Variants in AKAP13 observed in about 807,000 individuals in gnomAD.
The protein encoded by AKAP13 is A-kinase anchor protein 13.
Under a neutral mutation model 264.5 loss-of-function variants are expected in AKAP13, and 80 were observed. The observed-to-expected ratio is 0.30, with a 90% CI of 0.25 to 0.36. AKAP13 has a LOEUF of 0.36. AKAP13 is among the 10% of genes least tolerant of loss of function. AKAP13 has a pLI of 1.00. For synonymous variants in AKAP13, 1,380 were observed against 1,250.2 expected (o/e 1.10, Z -2.19); for missense variants, 3,712 against 3,435.2 (o/e 1.08, Z -2.01).
intron 17 of AKAP13, among the ~76,000 whole-genome samples, chr15:85,698,919 G>A (rs2151657239): frequency 7.1e-6 from 1 of 141,610 alleles, no homozygotes; most frequent in African/African-American, 2.7e-5. Flanking sequence ...ACTCCAGCCT[G>A]GGAAACAGAG....
chr15:85,562,157 A>G (rs547801891), intron 5 of AKAP13, among the ~76,000 whole-genome samples: 18 of 152,352 alleles, frequency 1.2e-4, no homozygotes, highest in African/African-American at 3.8e-4. Context: ...GCACAGTTCA[A>G]TATCTGATAC....
chr15:85,741,573 G>C, intron 35 of AKAP13, 78 bp downstream of exon 35: 1 of 1,472,646 alleles, frequency 6.8e-7, no homozygotes, highest in Non-Finnish European at 9.0e-7. Flanking sequence ...AGGTAAGAAA[G>C]TGAGCAGAAA....
rs527927712 is a variant in AKAP13, at chr15:85,732,745, A to G, written c.7282+2038A>G. ...ACTCATAACTGTTAGTAATACTAAT[A>G]GTATTACTAATTACTATTGCTAATA... On this transcript the variant is annotated intron_variant, in intron 30 of 36. Transcript: ENST00000394518. 3.0e-3 allele frequency among the ~76,000 whole-genome samples: 445 copies of G among 150,140 alleles called. 1 individual carries two copies. The highest frequency in any genetic ancestry group is 5.1e-3 in the Non-Finnish European group (344 of 67,606).
intron 16 of AKAP13, among the ~76,000 whole-genome samples, chr15:85,686,268 G>GA (rs1205559245): frequency 1.3e-5 from 2 of 151,934 alleles, no homozygotes; most frequent in Non-Finnish European, 2.9e-5. Context: ...AGAAGTAAGG[G>GA]AATAAACAAA....
chr15:85,521,586 G>T lies in AKAP13; in HGVS notation c.181+11G>T, dbSNP rs536146272. 1.5e-5 allele frequency: 25 copies of T among 1,613,112 alleles called. No individual in the cohort carries two copies. The African/African-American group carries it at 3.2e-4, about 21-fold the overall frequency. ...AGACCATTGCTCCTGGTAAGTATTTGAATGGGATCCTTACTAGCTTTTCCT... is the reference window on the plus strand; with the variant it reads ...AGACCATTGCTCCTGGTAAGTATTTTAATGGGATCCTTACTAGCTTTTCCT... On this transcript the variant is annotated intron_variant, in intron 3 of 36. Transcript: ENST00000394518.
intron 2 of AKAP13, among the ~76,000 whole-genome samples, chr15:85,496,524 T>C (rs1398298980): frequency 6.6e-6 from 1 of 152,190 alleles, no homozygotes; most frequent in Admixed American, 6.5e-5. Flanking sequence ...TAATCAAATT[T>C]TTGAAGGGCC....
At chr15:85,719,762 C>T (rs1052309168) in intron 23 of AKAP13, among the ~76,000 whole-genome samples, 5 of 151,972 alleles carry the variant, frequency 3.3e-5, no homozygotes, top group Admixed American at 1.3e-4. Flanking sequence ...TGATAAAACC[C>T]TGTCTCTACT....
At chr15:85,433,117 G>GTTTTTTTTTTTTTTT (rs199655190) in intron 1 of AKAP13, among the ~76,000 whole-genome samples, 13 of 53,226 alleles carry the variant, frequency 2.4e-4, no homozygotes, top group Admixed American at 4.7e-4. Context: ...CTTCTGTACA[G>GTTTTTTTTTTTTTTT]TTTTTTTTTT....
In AKAP13 at chr15:85,485,714, C is replaced by T. The variant is rs1420569766; in HGVS notation, c.-7C>T. The T allele has an allele frequency of 6.2e-6, 10 of 1,612,832 alleles. No individual in the cohort carries two copies. In the East Asian group the frequency reaches 2.0e-4, roughly 32 times the overall value. On this transcript the variant is annotated 5_prime_UTR_variant, in exon 2 of 37. Coordinates refer to ENST00000394518, the MANE Select transcript of AKAP13 (RefSeq NM_007200.5). Reference sequence around the variant, plus strand: ...TTTATTCCATTTCTGTTTCAGTGTCCTGGGTCATGAAACTTAATCCACAGC... The same window carrying T: ...TTTATTCCATTTCTGTTTCAGTGTCTTGGGTCATGAAACTTAATCCACAGC...
Position 85,455,224 on chromosome 15 carries a change from A to AT in AKAP13, c.-11-30476dup, listed in dbSNP as rs561260823. Among the ~76,000 whole-genome samples, 436 of 150,666 alleles carry AT rather than the reference A, an allele frequency of 2.9e-3. 1 individual carries two copies. Among genetic ancestry groups the AT allele is most frequent in the Non-Finnish European group, 4.3e-3 (293 of 67,564 alleles). Reference sequence around the variant, plus strand: ...GTATATTTGATCATTTGATCATTAGATTTTTTTTTTAAGTCATTGGCAAAT... The same window carrying AT: ...GTATATTTGATCATTTGATCATTAGATTTTTTTTTTTAAGTCATTGGCAAAT... On this transcript the variant is annotated intron_variant, in intron 1 of 36. Transcript: ENST00000394518.
chr15:85,720,621 A>T (rs1276098690), intron 23 of AKAP13, among the ~76,000 whole-genome samples: 1 of 152,196 alleles, frequency 6.6e-6, no homozygotes, highest in East Asian at 1.9e-4. Flanking sequence ...TTCCCCAAAG[A>T]TGCAGATTCC....
Position 85,650,789 on chromosome 15 carries a change from A to AAAAC in AKAP13, c.4375-4627_4375-4626insAACA, listed in dbSNP as rs1567175502. 5.1e-4 allele frequency among the ~76,000 whole-genome samples: 59 copies of AAAAC among 116,802 alleles called. 1 individual carries two copies. The highest frequency in any genetic ancestry group is 8.9e-4 in the Non-Finnish European group (47 of 52,744). The allele number at this position is 116,802 out of a possible 152,430, so 76.6% of individuals were successfully genotyped here. Reference sequence around the variant, plus strand: ...AAAAAAAAAAAAAAAAAAAAAAAAAAACAACAAAAACTGCAATTGCCTGTG... The same window carrying AAAAC: ...AAAAAAAAAAAAAAAAAAAAAAAAAAAAACACAACAAAAACTGCAATTGCCTGTG... On this transcript the variant is annotated intron_variant, in intron 10 of 36. Coordinates refer to ENST00000394518, the MANE Select transcript of AKAP13 (RefSeq NM_007200.5).
At chr15:85,400,415 A>G (rs1185013764) in intron 1 of AKAP13, among the ~76,000 whole-genome samples, 1 of 152,142 alleles carries the variant, frequency 6.6e-6, no homozygotes, top group Admixed American at 6.5e-5. Flanking sequence ...TGTCTCTAAA[A>G]AAAAAATTAA....
intron 14 of AKAP13, among the ~76,000 whole-genome samples, chr15:85,681,429 T>A (rs191863301): frequency 2.6e-5 from 4 of 152,356 alleles, no homozygotes; most frequent in Admixed American, 2.6e-4. Flanking sequence ...CTTCTATTTT[T>A]TCTTCATATT....
At chr15:85,540,370 A>G (rs1181609343) in intron 4 of AKAP13, among the ~76,000 whole-genome samples, 1 of 152,226 alleles carries the variant, frequency 6.6e-6, no homozygotes, top group Non-Finnish European at 1.5e-5. Flanking sequence ...CTCCCTTATT[A>G]GATCAACTGG....
At chr15:85,591,600 G>T (rs1177003369) in intron 8 of AKAP13, among the ~76,000 whole-genome samples, 1 of 151,944 alleles carries the variant, frequency 6.6e-6, no homozygotes, top group Non-Finnish European at 1.5e-5. Flanking sequence ...CCAGATGCTG[G>T]AGGCAAGCAG....
intron 8 of AKAP13, among the ~76,000 whole-genome samples, chr15:85,612,202 G>A (rs77618827): frequency 0.062 from 9,416 of 152,224 alleles, 603 homozygotes; most frequent in East Asian, 0.36. Flanking sequence ...GCCATGTTTA[G>A]TGTTCTTGGC....
chr15:85,522,208 A>T (rs769119351), intron 3 of AKAP13, among the ~76,000 whole-genome samples: 8 of 152,190 alleles, frequency 5.3e-5, no homozygotes, highest in South Asian at 2.1e-4. Flanking sequence ...TCCGTGACTC[A>T]GTTCTCATTA....
Position 85,580,902 on chromosome 15 carries a change from G to A in AKAP13, c.2834G>A (p.Gly945Glu). ...ATTAAGGAAAATGCTCTCTCTTCAGGAACTTTGCAGGAAGAGCAGAGAACA... is the reference window on the plus strand; with the variant it reads ...ATTAAGGAAAATGCTCTCTCTTCAGAAACTTTGCAGGAAGAGCAGAGAACA... ...SSIKENALSS[G>E]TLQEEQRTPP... is the part of the protein sequence containing the mutation. The change falls in exon 7 of 37, where the codon GGA (glycine) becomes GAA (glutamate). Residue 945 changes from glycine to glutamate, a missense_variant. This residue lies in a region of AKAP13 where 2,759 missense variants were observed against 2,411.7 expected (regional missense o/e 1.14). Transcript: ENST00000394518. 1 of 1,614,170 alleles carries A rather than the reference G, an allele frequency of 6.2e-7. No individual in the cohort carries two copies. The highest frequency in any genetic ancestry group is 8.5e-7 in the Non-Finnish European group (1 of 1,180,036).
Sources: allele counts gnomAD v4.1 joint callset (sites outside exome capture counted in the v4.1 genomes callset), GRCh38; gene constraint gnomAD v4.1.1; regional missense constraint gnomAD v4.1.1; transcripts MANE v1.5; gene names NCBI Gene and HGNC (gene_info 2026-07-23, HGNC 2026-07-21).